Variants in DENND4A observed in about 807,000 individuals in gnomAD.
DENND4A encodes the protein DENN domain containing 4A.
Under a neutral mutation model 199.3 loss-of-function variants are expected in DENND4A, and 70 were observed. That is an observed-to-expected ratio of 0.35 (90% CI 0.29 to 0.43). The LOEUF is 0.43. Ranked by LOEUF, DENND4A falls within the 20% of genes least tolerant of loss-of-function variation. DENND4A has a pLI of 1.00. For missense variants in DENND4A, 1,723 were observed against 2,255.8 expected, an observed-to-expected ratio of 0.76 and a Z score of 4.78; for synonymous variants, 686 against 766.9, an observed-to-expected ratio of 0.89 and a Z score of 1.74.
chr15:65,693,309 T>A (rs115119286), intron 22 of DENND4A, among the ~76,000 whole-genome samples: 130 of 152,268 alleles, frequency 8.5e-4, no homozygotes, highest in African/African-American at 3.1e-3. Context: ...TCTTTTTGGC[T>A]TGATCGAATA....
chr15:65,718,208 G>A (rs540562996), intron 12 of DENND4A, among the ~76,000 whole-genome samples: 37 of 151,928 alleles, frequency 2.4e-4, no homozygotes, highest in African/African-American at 8.7e-4. Context: ...AAAGCTACCC[G>A]TTTATCTCAC....
At chr15:65,774,303 C>T (rs2077219324) in intron 1 of DENND4A, among the ~76,000 whole-genome samples, 1 of 152,076 alleles carries the variant, frequency 6.6e-6, no homozygotes, top group Non-Finnish European at 1.5e-5. Context: ...CCAGCCTGAC[C>T]AACATGGAGA....
chr15:65,737,820 A>G lies in DENND4A; in HGVS notation c.927T>C (p.Thr309=), dbSNP rs2076156354. The G allele has an allele frequency of 6.2e-7, 1 of 1,601,624 alleles. No individual in the cohort carries two copies. The highest frequency in any genetic ancestry group is 8.5e-7 in the Non-Finnish European group (1 of 1,173,532). ...GKSDSSKTIH[T]NKCICLLSHW... is the part of the protein sequence containing the mutation. ...GAGAAAGAAGACAGATGCATTTGTT[A>G]GTATGAATTGTTTTGGAACTATCAG... Residue 309 remains threonine (T), a synonymous_variant, in exon 7 of 33, where the codon ACT becomes ACC. Coordinates refer to ENST00000443035, the MANE Select transcript of DENND4A (RefSeq NM_001320835.1).
At chr15:65,731,388 TACACAC>T in intron 9 of DENND4A, 1 of 501,344 alleles carries the variant, frequency 2.0e-6, no homozygotes, top group Admixed American at 2.3e-5. Flanking sequence ...CATACATAAA[TACACAC>T]ACACACACAC....
At chr15:65,738,932 T>C in intron 5 of DENND4A, 57 bp from the exon 6 acceptor site, 1 of 1,284,024 alleles carries the variant, frequency 7.8e-7, no homozygotes, top group South Asian at 1.7e-5. Context: ...GTACTTATTA[T>C]TTCAATGATG....
chr15:65,735,412 CA>C (rs1274495719), intron 7 of DENND4A, among the ~76,000 whole-genome samples: 1 of 152,040 alleles, frequency 6.6e-6, no homozygotes, highest in Admixed American at 6.6e-5. Flanking sequence ...AACAAGCAAA[CA>C]AAAAATTATA....
At chr15:65,709,040 T>C (rs7179378) in intron 14 of DENND4A, among the ~76,000 whole-genome samples, 30,268 of 152,166 alleles carry the variant, frequency 0.2, 4,040 homozygotes, top group East Asian at 0.73. Context: ...AATAACAGTA[T>C]CACACGTCTA....
rs2140276744 is a variant in DENND4A at position 65,717,780 on chromosome 15, T to C, written c.1805A>G (p.Gln602Arg). Reference sequence around the variant, plus strand: ...TTTAAAACTATGCAGTCACTCACCTTGTAGGGCAAAGAGAGAGGCTGCATC... The same window carrying C: ...TTTAAAACTATGCAGTCACTCACCTCGTAGGGCAAAGAGAGAGGCTGCATC... ...ATDAASLFAL[Q>R]AFLRSRDRSH... Residue 602 changes from glutamine (Q) to arginine (R), a missense_variant and splice_region_variant, in exon 13 of 33, where the codon CAA (glutamine) becomes CGA (arginine). Transcript: ENST00000443035. The C allele has an allele frequency of 1.3e-6, 2 of 1,596,902 alleles. No homozygotes were observed. Among genetic ancestry groups the C allele is most frequent in the South Asian group, 1.1e-5 (1 of 88,028 alleles).
intron 20 of DENND4A, among the ~76,000 whole-genome samples, chr15:65,698,004 C>T (rs1297386722): frequency 6.6e-6 from 1 of 152,070 alleles, no homozygotes; most frequent in African/African-American, 2.4e-5. Flanking sequence ...ATAATCCCAG[C>T]ATTTTGGAAG....
chr15:65,749,356 G>C (rs903021196), intron 4 of DENND4A, among the ~76,000 whole-genome samples: 1 of 152,116 alleles, frequency 6.6e-6, no homozygotes, highest in Non-Finnish European at 1.5e-5. Context: ...TTGTAAAATG[G>C]GGAGAAAATA....
chr15:65,680,349 T>G (rs1392771375), intron 23 of DENND4A, among the ~76,000 whole-genome samples: 1 of 152,206 alleles, frequency 6.6e-6, no homozygotes, highest in African/African-American at 2.4e-5. Flanking sequence ...CTTTTCTTCT[T>G]TCATTGCTTT....
At chr15:65,746,364 T>TC in intron 4 of DENND4A, among the ~76,000 whole-genome samples, 3 of 140,068 alleles carry the variant, frequency 2.1e-5, no homozygotes, top group African/African-American at 8.5e-5. Flanking sequence ...ATTCTACTTT[T>TC]TTCTCTTTTT....
intron 23 of DENND4A, among the ~76,000 whole-genome samples, chr15:65,682,970 T>A (rs2076632959): frequency 6.6e-6 from 1 of 152,144 alleles, no homozygotes; most frequent in African/African-American, 2.4e-5. Context: ...ACTATTACAA[T>A]AATAACATCA....
Position 65,659,514 on chromosome 15 carries a change from T to G in DENND4A, c.*2337A>C, listed in dbSNP as rs2075792356. ...CCATACCGAGCAAATTTAAAAAATTTTTTTGTAGAGACAGGGTCTCTCTAT... is the reference window on the plus strand; with the variant it reads ...CCATACCGAGCAAATTTAAAAAATTGTTTTGTAGAGACAGGGTCTCTCTAT... On this transcript the variant is annotated 3_prime_UTR_variant, in exon 33 of 33. Coordinates refer to ENST00000443035, the MANE Select transcript of DENND4A (RefSeq NM_001320835.1). 1 of 151,552 alleles carries G rather than the reference T, an allele frequency of 6.6e-6. No individual in the cohort carries two copies. The highest frequency in any genetic ancestry group is 2.4e-5 in the African/African-American group (1 of 41,226). The allele number at this position is 151,552 out of a possible 1,614,324, so 9.4% of individuals were successfully genotyped here.
chr15:65,757,034 T>C (rs556830321), intron 2 of DENND4A, among the ~76,000 whole-genome samples: 2 of 151,790 alleles, frequency 1.3e-5, no homozygotes, highest in African/African-American at 2.4e-5. Flanking sequence ...TGAAACTCCA[T>C]CTCAAATAAA....
intron 20 of DENND4A, among the ~76,000 whole-genome samples, chr15:65,700,174 A>T (rs2074813558): frequency 6.6e-6 from 1 of 152,028 alleles, no homozygotes; most frequent in Non-Finnish European, 1.5e-5. Context: ...AATACTATTA[A>T]CTTAGACACA....
Position 65,707,095 on chromosome 15 carries a change from A to G in DENND4A, c.1954-871T>C, listed in dbSNP as rs56804093. On this transcript the variant is annotated intron_variant, in intron 14 of 32. Transcript: ENST00000443035. ...ATAACAAATTTCCCTAAGCTCTTTC[A>G]GCATATGTAGACGTATATTTGAGTT... Among the ~76,000 whole-genome samples the G allele has an allele frequency of 3.6e-4, 55 of 152,248 alleles. No homozygotes were observed. In the East Asian group the frequency reaches 9.1e-3, roughly 25 times the overall value.
chr15:65,695,786 C>G (rs945517214), intron 22 of DENND4A, among the ~76,000 whole-genome samples: 4 of 152,118 alleles, frequency 2.6e-5, no homozygotes, highest in African/African-American at 9.7e-5. Context: ...TACTTCTAAT[C>G]TGACTTTTCT....
chr15:65,780,548 T>G lies in DENND4A; in HGVS notation c.-102+11462A>C, dbSNP rs150633901. ...CTAATGGTCAACTTTCCATGACATT[T>G]TCAAAAGCTAGGGTTGTGTCTTTGA... On this transcript the variant is annotated intron_variant, in intron 1 of 32. Coordinates refer to ENST00000443035, the MANE Select transcript of DENND4A (RefSeq NM_001320835.1). Among the ~76,000 whole-genome samples the G allele has an allele frequency of 2.1e-3, 313 of 152,324 alleles. 2 individuals carry two copies. The highest frequency in any genetic ancestry group is 7.3e-3 in the African/African-American group (302 of 41,564).
Sources: gnomAD v4.1 joint callset for allele counts (sites outside exome capture counted in the v4.1 genomes callset) on GRCh38, gnomAD v4.1.1 for gene constraint, MANE v1.5 for transcripts, NCBI Gene and HGNC (gene_info 2026-07-23, HGNC 2026-07-21) for gene names.